The following TRPV1 variants were observed in gnomAD, a reference collection of about 807,000 sequenced individuals.
TRPV1 encodes the protein transient receptor potential cation channel subfamily V member 1, also known as OTRPC1.
In TRPV1, 82 loss-of-function variants were observed where a neutral mutation model predicts 82.3. That is an observed-to-expected ratio of 1.00 (90% confidence interval 0.83 to 1.20). The LOEUF is 1.20. Among genes scored for constraint, TRPV1 ranks in the 50% most tolerant of loss-of-function variants. The pLI is 0.00. For synonymous variants in TRPV1, 515 were observed against 467.7 expected (o/e 1.10, Z -1.30); for missense variants, 1,067 against 1,096.8 (o/e 0.97, Z 0.38).
At chr17:3,575,387 G>C (rs546129453) in intron 13 of TRPV1, among the ~76,000 whole-genome samples, 31 of 152,172 alleles carry the variant, frequency 2.0e-4, no homozygotes, top group Admixed American at 1.4e-3. Flanking sequence ...GAAGGCTGAG[G>C]CAGGAGAATT....
intron 2 of TRPV1, among the ~76,000 whole-genome samples, chr17:3,593,606 T>C (rs74672533): frequency 0.028 from 4,239 of 152,188 alleles, 218 homozygotes; most frequent in African/African-American, 0.098. Context: ...CAGATGCTAC[T>C]TCCCCTCAGG....
chr17:3,586,025 C>G, intron 8 of TRPV1, 99 bp from the exon 9 acceptor site: 2 of 1,458,784 alleles, frequency 1.4e-6, no homozygotes, highest in South Asian at 2.5e-5. Flanking sequence ...GTGGCCCGCA[C>G]AGTCCTCAGC....
At position 3,592,324 on chromosome 17, in the gene TRPV1, C is replaced by G. The variant is rs146598604; in HGVS notation, c.27G>C (p.Leu9Phe). Reference protein sequence around the residue: MKKWSSTDLGAAADPLQKD... With the variant: MKKWSSTDFGAAADPLQKD... ...TTTGGAGTGGGTCCGCAGCTGCCCCCAAGTCTGTGCTGCTCCATTTCTTCA... is the reference window on the plus strand; with the variant it reads ...TTTGGAGTGGGTCCGCAGCTGCCCCGAAGTCTGTGCTGCTCCATTTCTTCA... Residue 9 changes from leucine (L) to phenylalanine (F), a missense_variant, in exon 3 of 17, where the codon TTG becomes TTC. By Grantham distance (22) the Leu-to-Phe change is conservative. Transcript: ENST00000572705. 9.4e-4 allele frequency: 1,493 copies of G among 1,596,524 alleles called. 3 individuals carry two copies. The highest frequency in any genetic ancestry group is 5.7e-3 in the Middle Eastern group (34 of 5,978).
rs1305419789 is a variant in TRPV1 at position 3,594,158 on chromosome 17, AGC to A, written c.-33-1777_-33-1776del. ...AAAAAAAAAAAAAAAAAAAAGAAGC[AGC>A]AGCAGCAGCAGCAGCAGCAGCTGCA... On this transcript the variant is annotated intron_variant, in intron 2 of 16. Transcript: ENST00000572705. Among the ~76,000 whole-genome samples, 133 of 116,250 alleles carry A rather than the reference AGC, an allele frequency of 1.1e-3. 8 individuals carry two copies. The highest frequency in any genetic ancestry group is 7.7e-3 in the African/African-American group (107 of 13,984). The allele number at this position is 116,250 out of a possible 152,430, so 76.3% of individuals were successfully genotyped here. A position where few individuals can be genotyped will look rare whatever the true frequency, so the allele number is the denominator to read the frequency against.
intron 13 of TRPV1, 103 bp from the exon 14 acceptor site, chr17:3,574,058 C>CA: frequency 9.5e-7 from 1 of 1,057,578 alleles, no homozygotes. Flanking sequence ...AACTTTGTGA[C>CA]AAGTTATTTT....
intron 8 of TRPV1, 82 bp from the exon 9 acceptor site, chr17:3,586,008 C>A (rs2075081140): frequency 6.4e-7 from 1 of 1,554,374 alleles, no homozygotes; most frequent in Non-Finnish European, 8.8e-7. Flanking sequence ...GTGCCCCTCA[C>A]AGCCATGTGG....
Position 3,580,463 on chromosome 17 carries a change from A to T in TRPV1, c.1541T>A (p.Met514Lys). 6.2e-7 allele frequency: 1 copy of T among 1,614,052 alleles called. No homozygotes were observed. Among genetic ancestry groups the T allele is most frequent in the East Asian group, 2.2e-5 (1 of 44,886 alleles). The change falls in exon 11 of 17, where the codon ATG becomes AAG. Residue 514 changes from methionine (M) to lysine (K), a missense_variant. Physicochemically the swap from Met to Lys is moderately conservative, Grantham distance 95 (BLOSUM62 -1). Coordinates refer to ENST00000572705, the MANE Select transcript of TRPV1 (RefSeq NM_080704.4). The stretch of plus-strand genomic sequence containing the variant: ...GAGTCAAAGTGTCACTTACAAAAGC[A>T]TCTCACTGTAGCTGTCCACAAACAG... Reference protein sequence around the residue: ...KTLFVDSYSEMLFFLQSLFML... With the variant: ...KTLFVDSYSEKLFFLQSLFML...
Position 3,591,217 on chromosome 17 carries a change from T to C in TRPV1, c.421A>G (p.Lys141Glu). The C allele has an allele frequency of 1.9e-6, 3 of 1,612,368 alleles. No homozygotes were observed. The highest frequency in any genetic ancestry group is 1.6e-4 in the Middle Eastern group (1 of 6,062). The part of the protein sequence containing the change: ...ESLLLFLQKS[K>E]KHLTDNEFKD... ...AACTCGTTGTCTGTGAGGTGCTTCT[T>C]GCTCTTCTGCAGGAAGAGCAGCAGG... The change falls in exon 4 of 17, where the codon AAG (lysine) becomes GAG (glutamate). Residue 141 changes from lysine (K) to glutamate (E), a missense_variant. Coordinates refer to ENST00000572705, the MANE Select transcript of TRPV1 (RefSeq NM_080704.4).
In TRPV1 at chr17:3,592,358, G is replaced by T. The variant is rs2150850451; in HGVS notation, c.-8C>A. 6.3e-7 allele frequency: 1 copy of T among 1,583,514 alleles called. No individual in the cohort carries two copies. Among genetic ancestry groups the T allele is most frequent in the East Asian group, 2.3e-5 (1 of 43,494 alleles). ...GCTGCTCCATTTCTTCATCCTTGCT[G>T]GATCCTCTGTGGCCCAGTGTGCAAC... On this transcript the variant is annotated 5_prime_UTR_variant, in exon 3 of 17. Transcript: ENST00000572705.
intron 3 of TRPV1, among the ~76,000 whole-genome samples, chr17:3,591,605 A>G (rs1384811917): frequency 6.6e-6 from 1 of 152,120 alleles, no homozygotes; most frequent in East Asian, 1.9e-4. Flanking sequence ...CTACTCCCAG[A>G]CCACTGGCTT....
intron 2 of TRPV1, among the ~76,000 whole-genome samples, chr17:3,599,390 T>TC (rs1216649073): frequency 1.3e-5 from 2 of 152,168 alleles, no homozygotes; most frequent in Admixed American, 1.3e-4. Context: ...CAGAACTTTT[T>TC]CATCATCCCA....
chr17:3,577,777 G>C lies in TRPV1; in HGVS notation c.1548-14C>G. 6.3e-7 allele frequency: 1 copy of C among 1,583,926 alleles called. No individual in the cohort carries two copies. Among genetic ancestry groups the C allele is most frequent in the Non-Finnish European group, 8.6e-7 (1 of 1,165,254 alleles). On this transcript the variant is annotated splice_polypyrimidine_tract_variant and intron_variant, in intron 11 of 16. Transcript: ENST00000572705. ...GACTGCAGAAAGCTGCGGGTGGAGG[G>C]GCAGAAAGCTCCGTCTACGGGAACC...
At chr17:3,590,820 C>T in intron 5 of TRPV1, 144 bp downstream of exon 5, 2 of 1,169,284 alleles carry the variant, frequency 1.7e-6, no homozygotes, top group Non-Finnish European at 2.3e-6. Flanking sequence ...GAGGCAGGGA[C>T]CCCCTAGGAT....
chr17:3,595,699 T>C (rs977308988), intron 2 of TRPV1: 1 of 152,276 alleles, frequency 6.6e-6, no homozygotes, highest in Non-Finnish European at 1.5e-5. Context: ...CTTTCGGCAA[T>C]GTTCTTTGTC....
At chr17:3,576,616 C>A (rs2074931236) in intron 13 of TRPV1, among the ~76,000 whole-genome samples, 1 of 142,930 alleles carries the variant, frequency 7.0e-6, no homozygotes, top group Admixed American at 7.4e-5. Flanking sequence ...CGCGCCACTG[C>A]ACGCCAGCCT....
chr17:3,587,797 G>A (rs1442982114), intron 8 of TRPV1, among the ~76,000 whole-genome samples: 2 of 145,128 alleles, frequency 1.4e-5, no homozygotes, highest in African/African-American at 2.6e-5. Flanking sequence ...TGGGTAACAA[G>A]AGCAAAACTT....
intron 13 of TRPV1, among the ~76,000 whole-genome samples, chr17:3,575,950 G>A (rs773413207): frequency 8.5e-5 from 13 of 152,148 alleles, no homozygotes; most frequent in Non-Finnish European, 1.0e-4. Context: ...ACTAAGGTCA[G>A]GCGCGGTGGC....
At chr17:3,605,962 T>TA (rs1399796814) in intron 2 of TRPV1, among the ~76,000 whole-genome samples, 2 of 151,440 alleles carry the variant, frequency 1.3e-5, no homozygotes, top group Non-Finnish European at 2.9e-5. Flanking sequence ...TTTATTTATT[T>TA]ATTTATTTAT....
intron 9 of TRPV1, chr17:3,585,455 C>A: frequency 3.5e-6 from 1 of 284,130 alleles, no homozygotes; most frequent in South Asian, 5.0e-5. Context: ...CCGGCCCCTG[C>A]ATGCTTTCTA....
Sources: allele counts gnomAD v4.1 joint callset (sites outside exome capture counted in the v4.1 genomes callset), GRCh38; gene constraint gnomAD v4.1.1; transcripts MANE v1.5; gene names NCBI Gene and HGNC (gene_info 2026-07-23, HGNC 2026-07-21).